TNR: variants seen among roughly 807,000 people sequenced by gnomAD.
TNR encodes tenascin R, also known as tenascin-R.
A neutral mutation model predicts 150.4 loss-of-function variants in TNR; 45 were observed. The observed-to-expected ratio is 0.30, with a 90% confidence interval of 0.24 to 0.38. The LOEUF (loss-of-function observed/expected upper bound fraction) is 0.38. TNR is among the 10% of genes least tolerant of loss of function. TNR has a pLI of 1.00. For synonymous variants in TNR, 687 were observed against 678.4 expected (o/e 1.01, Z -0.20); for missense variants, 1,544 against 1,759.1 (o/e 0.88, Z 2.19).
rs529084459 is a variant in TNR at position 175,582,817 on chromosome 1, T to C, written c.-164-54448A>G. Among the ~76,000 whole-genome samples, 6 of 152,290 alleles carry C rather than the reference T, an allele frequency of 3.9e-5. No homozygotes were observed. The South Asian group carries it at 6.2e-4, about 16-fold the overall frequency. On this transcript the variant is annotated intron_variant, in intron 1 of 22. Transcript: ENST00000367674. ...GAACCTTTACAAGGTGATTAAGCCATAAGGGAGGGCTCCACCCTTATGAAT... is the reference window on the plus strand; with the variant it reads ...GAACCTTTACAAGGTGATTAAGCCACAAGGGAGGGCTCCACCCTTATGAAT...
At chr1:175,732,134 C>T (rs1365150104) in intron 1 of TNR, among the ~76,000 whole-genome samples, 3 of 152,196 alleles carry the variant, frequency 2.0e-5, no homozygotes, top group South Asian at 2.1e-4. Flanking sequence ...AATTTATGGC[C>T]TCACAGCTCA....
At chr1:175,375,759 G>T (rs745767440) in intron 9 of TNR, among the ~76,000 whole-genome samples, 22 of 152,140 alleles carry the variant, frequency 1.4e-4, no homozygotes, top group Non-Finnish European at 2.9e-4. Context: ...GCCCAGCAAA[G>T]GCCAGGCTGC....
chr1:175,460,578 T>C lies in TNR; in HGVS notation c.-63-53801A>G, dbSNP rs540884081. On this transcript the variant is annotated intron_variant, in intron 2 of 22. Coordinates refer to ENST00000367674, the MANE Select transcript of TNR (RefSeq NM_003285.3). ...AGTGAGAACTCCTGTGTTTTTACAA[T>C]GTGTTTTGGCTTACAAAGTATCCTC... Among the ~76,000 whole-genome samples the C allele has an allele frequency of 3.3e-5, 5 of 152,332 alleles. No individual in the cohort carries two copies. In the East Asian group the frequency reaches 9.7e-4, roughly 29 times the overall value.
chr1:175,609,672 T>A (rs1340367155), intron 1 of TNR, among the ~76,000 whole-genome samples: 3 of 152,228 alleles, frequency 2.0e-5, no homozygotes, highest in Admixed American at 2.0e-4. Flanking sequence ...GGGACCCACC[T>A]GTGCTGAGAT....
At chr1:175,506,348 G>C (rs376891406) in intron 2 of TNR, among the ~76,000 whole-genome samples, 1 of 152,162 alleles carries the variant, frequency 6.6e-6, no homozygotes, top group African/African-American at 2.4e-5. Context: ...TTATATTCTA[G>C]CCAACATTCT....
intron 18 of TNR, among the ~76,000 whole-genome samples, chr1:175,351,558 T>C (rs56293838): frequency 0.021 from 3,188 of 152,304 alleles, 120 homozygotes; most frequent in African/African-American, 0.074. Flanking sequence ...GCAGCTGAGA[T>C]TTGACTATTC....
At chr1:175,706,921 A>G (rs1209276444) in intron 1 of TNR, among the ~76,000 whole-genome samples, 2 of 152,096 alleles carry the variant, frequency 1.3e-5, no homozygotes. Context: ...CCTGGAGATA[A>G]GGCCTGACTG....
At chr1:175,343,225 G>T (rs915397917) in intron 18 of TNR, among the ~76,000 whole-genome samples, 5 of 152,052 alleles carry the variant, frequency 3.3e-5, no homozygotes, top group Non-Finnish European at 7.4e-5. Flanking sequence ...TGTACGCTCC[G>T]TCTCTGTCCT....
rs543146350 is a variant in TNR, at chr1:175,669,907, T to G, written c.-165+73319A>C. Among the ~76,000 whole-genome samples, 304 of 152,338 alleles carry G rather than the reference T, an allele frequency of 2.0e-3. 1 individual carries two copies. The highest frequency in any genetic ancestry group is 6.4e-3 in the African/African-American group (266 of 41,578). ...AACAGGGACTCTCTCTGCACCTTGC[T>G]TCCAGCACGTGGCACAGGAAGAACC... On this transcript the variant is annotated intron_variant, in intron 1 of 22. Transcript: ENST00000367674.
At chr1:175,331,323 G>A (rs1211837741) in intron 20 of TNR, among the ~76,000 whole-genome samples, 1 of 147,296 alleles carries the variant, frequency 6.8e-6, no homozygotes, top group Admixed American at 6.8e-5. Flanking sequence ...GAGTGGAGTG[G>A]CACAATCTCG....
At chr1:175,715,948 G>C (rs1008323351) in intron 1 of TNR, among the ~76,000 whole-genome samples, 1 of 152,178 alleles carries the variant, frequency 6.6e-6, no homozygotes, top group Admixed American at 6.5e-5. Context: ...GTGAAGCTTC[G>C]TGTCTGAGCA....
At chr1:175,564,132 A>G (rs906605547) in intron 1 of TNR, among the ~76,000 whole-genome samples, 1 of 152,234 alleles carries the variant, frequency 6.6e-6, no homozygotes, top group Non-Finnish European at 1.5e-5. Flanking sequence ...AACAAGCCAA[A>G]TTGCAGAAAT....
intron 1 of TNR, among the ~76,000 whole-genome samples, chr1:175,668,176 A>G (rs1160053472): frequency 6.6e-6 from 1 of 152,228 alleles, no homozygotes; most frequent in African/African-American, 2.4e-5. Flanking sequence ...ACCTGGGGGC[A>G]TCTCTTGTGT....
chr1:175,725,829 C>T (rs1310087442), intron 1 of TNR, among the ~76,000 whole-genome samples: 1 of 152,146 alleles, frequency 6.6e-6, no homozygotes, highest in Non-Finnish European at 1.5e-5. Flanking sequence ...AGCTCAGAGG[C>T]CTTCGTCACT....
chr1:175,337,161 T>C (rs2101991757), intron 19 of TNR, among the ~76,000 whole-genome samples: 1 of 152,350 alleles, frequency 6.6e-6, no homozygotes, highest in South Asian at 2.1e-4. Context: ...CCCAAAGTGC[T>C]GGGATTACAG....
At position 175,562,976 on chromosome 1, in the gene TNR, T is replaced by C. The variant is rs528602734; in HGVS notation, c.-164-34607A>G. On this transcript the variant is annotated intron_variant, in intron 1 of 22. Transcript: ENST00000367674. ...ACGAAGAGATCGATAGAATCAGTGG[T>C]TGACCAAATGGAGAGGTTGAATCAG... Among the ~76,000 whole-genome samples the C allele has an allele frequency of 2.0e-5, 3 of 152,310 alleles. No homozygotes were observed. In the South Asian group the frequency reaches 6.2e-4, roughly 32 times the overall value.
intron 18 of TNR, among the ~76,000 whole-genome samples, chr1:175,353,854 T>TA (rs201750820): frequency 0.1 from 15,324 of 151,174 alleles, 879 homozygotes; most frequent in African/African-American, 0.15. Context: ...TTTATTTATT[T>TA]TTTTTTTTTG....
chr1:175,386,743 A>G (rs1026895422), intron 7 of TNR, among the ~76,000 whole-genome samples: 1 of 152,220 alleles, frequency 6.6e-6, no homozygotes, highest in African/African-American at 2.4e-5. Context: ...CAAGACTTCC[A>G]GATTGGTTGC....
At chr1:175,573,314 T>G (rs1661962583) in intron 1 of TNR, among the ~76,000 whole-genome samples, 1 of 152,216 alleles carries the variant, frequency 6.6e-6, no homozygotes, top group Non-Finnish European at 1.5e-5. Context: ...CCACCCTCCC[T>G]CAGAGCCCTG....
Sources: gnomAD v4.1 joint callset for allele counts (sites outside exome capture counted in the v4.1 genomes callset) on GRCh38, gnomAD v4.1.1 for gene constraint, MANE v1.5 for transcripts, NCBI Gene and HGNC (gene_info 2026-07-23, HGNC 2026-07-21) for gene names.